GRAP2: variants seen among roughly 807,000 people sequenced by gnomAD.
The protein encoded by GRAP2 is GRB2 related adaptor protein 2, also known as GRB2-related adapter protein 2.
In GRAP2, 31 loss-of-function variants were observed where a neutral mutation model predicts 43.5. That is an observed-to-expected ratio of 0.71 (90% CI 0.54 to 0.96). GRAP2 has a LOEUF of 0.96. Ranked by LOEUF, GRAP2 falls within the 40% of genes least tolerant of loss-of-function variation. GRAP2 has a pLI of 0.00. For synonymous variants in GRAP2, 156 were observed against 164.8 expected (o/e 0.95, Z 0.41); for missense variants, 371 against 424.4 (o/e 0.87, Z 1.11).
At chr22:39,906,479 T>C (rs892007693) in intron 1 of GRAP2, among the ~76,000 whole-genome samples, 11 of 152,154 alleles carry the variant, frequency 7.2e-5, no homozygotes, top group African/African-American at 2.4e-4. Flanking sequence ...TTGAATCTTA[T>C]CCACTCCTTC....
chr22:39,903,668 G>C lies in GRAP2; in HGVS notation c.-15+2338G>C, dbSNP rs13057447. On this transcript the variant is annotated intron_variant, in intron 1 of 7. Transcript: ENST00000344138. Reference sequence around the variant, plus strand: ...AATATTGTATTTTTAGTAGAGACAGGGTTTTGCCATGTTTCCCAGGCTGGT... The same window carrying C: ...AATATTGTATTTTTAGTAGAGACAGCGTTTTGCCATGTTTCCCAGGCTGGT... Among the ~76,000 whole-genome samples, 364 of 151,884 alleles carry C rather than the reference G, an allele frequency of 2.4e-3. 1 individual carries two copies. The highest frequency in any genetic ancestry group is 3.7e-3 in the Non-Finnish European group (248 of 67,942).
chr22:39,902,342 A>G (rs1017784615), intron 1 of GRAP2, among the ~76,000 whole-genome samples: 2 of 152,342 alleles, frequency 1.3e-5, no homozygotes, highest in South Asian at 2.1e-4. Flanking sequence ...AGTATTTAGC[A>G]GAAGTTACTC....
Position 39,968,291 on chromosome 22 carries a change from G to A in GRAP2, c.690+19G>A, listed in dbSNP as rs747678674. 6.2e-7 allele frequency: 1 copy of A among 1,612,508 alleles called. No individual in the cohort carries two copies. The highest frequency in any genetic ancestry group is 1.1e-5 in the South Asian group (1 of 90,818). On this transcript the variant is annotated intron_variant, in intron 6 of 7. Transcript: ENST00000344138. ...CCACCAGGTATCTGGAAAGAAGGCA[G>A]TGGGCACAGTACGGTGGAAAGGAGA...
intron 2 of GRAP2, among the ~76,000 whole-genome samples, chr22:39,949,807 C>T (rs982840305): frequency 2.0e-5 from 3 of 152,196 alleles, no homozygotes; most frequent in Non-Finnish European, 2.9e-5. Context: ...CATCCATCCC[C>T]GCTGCTTCTG....
At position 39,965,945 on chromosome 22, in the gene GRAP2, A is replaced by T. The variant is rs370974940; in HGVS notation, c.291-45A>T. The T allele has an allele frequency of 1.4e-4, 207 of 1,532,774 alleles. 2 individuals are homozygous for T. The highest frequency in any genetic ancestry group is 7.3e-4 in the South Asian group (65 of 89,468). 94.9% of individuals were successfully genotyped at this position (1,532,774 alleles called of 1,614,324 possible). Reference sequence around the variant, plus strand: ...ATGTGAGCAGCCTGGAGGTGGTGACATTATCACCGTGTAACATACAATTTT... The same window carrying T: ...ATGTGAGCAGCCTGGAGGTGGTGACTTTATCACCGTGTAACATACAATTTT... On this transcript the variant is annotated intron_variant, in intron 4 of 7. Transcript: ENST00000344138.
chr22:39,965,219 G>A (rs1401605688), intron 4 of GRAP2, among the ~76,000 whole-genome samples: 1 of 152,096 alleles, frequency 6.6e-6, no homozygotes, highest in Non-Finnish European at 1.5e-5. Context: ...GCGAAACCCC[G>A]TCTTTACTAA....
intron 1 of GRAP2, among the ~76,000 whole-genome samples, chr22:39,920,998 G>A (rs1408318932): frequency 2.0e-5 from 3 of 147,284 alleles, no homozygotes; most frequent in African/African-American, 7.5e-5. Context: ...ACAATCTGAT[G>A]TAACGACCTC....
At chr22:39,911,809 A>G (rs2066569271) in intron 1 of GRAP2, among the ~76,000 whole-genome samples, 1 of 152,230 alleles carries the variant, frequency 6.6e-6, no homozygotes, top group Non-Finnish European at 1.5e-5. Flanking sequence ...TCCTAGGACC[A>G]GCAGCAACGG....
At chr22:39,906,487 T>G (rs2066524216) in intron 1 of GRAP2, among the ~76,000 whole-genome samples, 1 of 152,178 alleles carries the variant, frequency 6.6e-6, no homozygotes, top group Admixed American at 6.5e-5. Flanking sequence ...TATCCACTCC[T>G]TCAGTGGCCA....
chr22:39,937,993 G>A (rs1024230675), intron 1 of GRAP2, among the ~76,000 whole-genome samples: 4 of 152,102 alleles, frequency 2.6e-5, no homozygotes, highest in African/African-American at 9.7e-5. Context: ...AAAAAAAAAA[G>A]TTAGATTATA....
Position 39,969,411 on chromosome 22 carries a change from G to C in GRAP2, c.691G>C (p.Glu231Gln). The C allele has an allele frequency of 6.2e-7, 1 of 1,613,742 alleles. No individual in the cohort carries two copies. Among genetic ancestry groups the C allele is most frequent in the Non-Finnish European group, 8.5e-7 (1 of 1,179,782 alleles). ...CCAGTCTTCTGTTGTATGTTTCTAG[G>C]AACGCCGAGGAGGCAGCCTTGACAT... is the stretch of plus-strand genomic sequence containing the variant. Reference protein sequence around the residue: ...RYLQHHHFHQERRGGSLDIND... With the variant: ...RYLQHHHFHQQRRGGSLDIND... The change falls in exon 7 of 8, where the codon GAA becomes CAA. Residue 231 changes from glutamate (E) to glutamine (Q), a missense_variant and splice_region_variant. Transcript: ENST00000344138.
At chr22:39,945,389 C>T (rs940638455) in intron 1 of GRAP2, among the ~76,000 whole-genome samples, 2 of 152,142 alleles carry the variant, frequency 1.3e-5, no homozygotes, top group African/African-American at 4.8e-5. Context: ...CTTGCTATCA[C>T]CCTGTTGCAG....
intron 2 of GRAP2, among the ~76,000 whole-genome samples, chr22:39,948,869 T>C (rs771262215): frequency 6.6e-6 from 1 of 152,070 alleles, no homozygotes; most frequent in Non-Finnish European, 1.5e-5. Flanking sequence ...CTCCTACAGG[T>C]CTCATTTCCA....
At chr22:39,946,729 C>A in intron 1 of GRAP2, 1 of 213,716 alleles carries the variant, frequency 4.7e-6, no homozygotes, top group East Asian at 1.2e-4. Flanking sequence ...TCTTTCCAGC[C>A]CCTCAGGCCT....
chr22:39,924,158 T>C (rs2066677693), intron 1 of GRAP2, among the ~76,000 whole-genome samples: 1 of 152,222 alleles, frequency 6.6e-6, no homozygotes, highest in Admixed American at 6.5e-5. Context: ...GCACATATGC[T>C]CCTTTGATCT....
At position 39,947,129 on chromosome 22, in the gene GRAP2, A is replaced by T. The variant is rs1366703601; in HGVS notation, c.23A>T (p.Asp8Val). ...AGCATGGAAGCTGTTGCCAAGTTTG[A>T]TTTCACTGCTTCAGGTGAGGATGAA... MEAVAKF[D>V]FTASGEDELS... Residue 8 changes from aspartate (D) to valine (V), a missense_variant, in exon 2 of 8, where the codon GAT (aspartate) becomes GTT (valine). By Grantham distance (152) the Asp-to-Val change is radical (BLOSUM62 -3). Coordinates refer to ENST00000344138, the MANE Select transcript of GRAP2 (RefSeq NM_004810.4). 1 of 1,606,806 alleles carries T rather than the reference A, an allele frequency of 6.2e-7. No individual in the cohort carries two copies. The highest frequency in any genetic ancestry group is 1.1e-5 in the South Asian group (1 of 90,938).
intron 1 of GRAP2, among the ~76,000 whole-genome samples, chr22:39,920,943 GACACACACACACACACACACACACAC>G (rs137974): frequency 2.8e-5 from 4 of 142,486 alleles, no homozygotes; most frequent in African/African-American, 7.6e-5. Context: ...TCTCTACACA[GACACACACACACACACACACACACAC>G]ACACACACAC....
chr22:39,940,739 G>A (rs1412017125), intron 1 of GRAP2, among the ~76,000 whole-genome samples: 4 of 152,098 alleles, frequency 2.6e-5, no homozygotes, highest in African/African-American at 9.7e-5. Context: ...CTGCTCAGGA[G>A]GAATTTAAGC....
At chr22:39,965,883 C>T (rs1052674350) in intron 4 of GRAP2, 107 bp from the exon 5 acceptor site, 1 of 951,584 alleles carries the variant, frequency 1.1e-6, no homozygotes, top group Non-Finnish European at 1.7e-6. Context: ...TCATCCATAT[C>T]TACATCTCCT....
Sources: gnomAD v4.1 joint callset for allele counts (sites outside exome capture counted in the v4.1 genomes callset) on GRCh38, gnomAD v4.1.1 for gene constraint, MANE v1.5 for transcripts, NCBI Gene and HGNC (gene_info 2026-07-23, HGNC 2026-07-21) for gene names.